HSPG2: variants seen among roughly 807,000 people sequenced by gnomAD.
HSPG2 encodes the protein heparan sulfate proteoglycan 2.
Under a neutral mutation model 526.6 loss-of-function variants are expected in HSPG2, and 278 were observed. The observed-to-expected ratio is 0.53, with a 90% confidence interval of 0.48 to 0.58. The LOEUF is 0.58. Among genes scored for constraint, HSPG2 ranks in the 20% least tolerant of loss-of-function variants. The pLI, the probability that HSPG2 is intolerant of heterozygous loss-of-function variation, is 0.00. For missense variants in HSPG2, 5,354 were observed against 6,099.5 expected (o/e 0.88, Z 4.07); for synonymous variants, 2,465 against 2,555.4 (o/e 0.96, Z 1.07).
chr1:21,874,171 T>A (rs1427911999), intron 28 of HSPG2, among the ~76,000 whole-genome samples, 160 bp from the exon 29 acceptor site: 2 of 152,200 alleles, frequency 1.3e-5, no homozygotes, highest in African/African-American at 4.8e-5. Flanking sequence ...GAGTTCCACA[T>A]GCATAGCCTC....
Position 21,854,743 on chromosome 1 carries a change from C to G in HSPG2, c.6156G>C (p.Pro2052=). Reference sequence around the variant, plus strand: ...AAGGCGATGAGGACTCAATCTTGACCGGCGGTGGGCTGGCATCTGAGGCTG... The same window carrying G: ...AAGGCGATGAGGACTCAATCTTGACGGGCGGTGGGCTGGCATCTGAGGCTG... The part of the protein sequence containing the change: ...VLSASDASPP[P]VKIESSSPSV... The change falls in exon 49 of 97, where the codon CCG becomes CCC. Residue 2052 remains proline, a synonymous_variant. Coordinates refer to ENST00000374695, the MANE Select transcript of HSPG2 (RefSeq NM_005529.7). 1 of 1,613,656 alleles carries G rather than the reference C, an allele frequency of 6.2e-7. No homozygotes were observed. Among genetic ancestry groups the G allele is most frequent in the Non-Finnish European group, 8.5e-7 (1 of 1,179,830 alleles).
chr1:21,879,986 A>T, intron 17 of HSPG2, 121 bp downstream of exon 17: 2 of 1,166,716 alleles, frequency 1.7e-6, no homozygotes, highest in Non-Finnish European at 1.3e-6. Flanking sequence ...AGGTCATGAT[A>T]GTTCATCTGG....
intron 65 of HSPG2, 35 bp from the exon 66 acceptor site, chr1:21,843,473 C>T (rs1308062914): frequency 8.2e-6 from 13 of 1,592,992 alleles, no homozygotes; most frequent in Non-Finnish European, 1.1e-5. Flanking sequence ...GGAGGGTGAG[C>T]TGGGAGCCTT....
intron 2 of HSPG2, 44 bp downstream of exon 2, chr1:21,896,131 T>C: frequency 6.2e-7 from 1 of 1,612,856 alleles, no homozygotes; most frequent in Non-Finnish European, 8.5e-7. Context: ...AAGCACAGTC[T>C]CACCCCCCAC....
In HSPG2 at chr1:21,835,436, A is replaced by G. The variant is rs112027944; in HGVS notation, c.10453+104T>C. ...ATGGAATAATTCTCTTTATTCTGAC[A>G]CATTTAGGGGGATTCCTAGGGAACA... On this transcript the variant is annotated intron_variant, in intron 76 of 96. Transcript: ENST00000374695. The G allele has an allele frequency of 3.8e-6, 3 of 782,468 alleles. No homozygotes were observed. The African/African-American group carries it at 5.1e-5, about 13-fold the overall frequency. 48.5% of individuals were successfully genotyped at this position (782,468 alleles called of 1,614,324 possible).
chr1:21,833,614 G>A lies in HSPG2; in HGVS notation c.10831C>T (p.Leu3611=), dbSNP rs745601293. The A allele has an allele frequency of 6.2e-7, 1 of 1,614,056 alleles. No individual in the cohort carries two copies. The highest frequency in any genetic ancestry group is 8.5e-7 in the Non-Finnish European group (1 of 1,179,992). Residue 3611 remains leucine, a splice_region_variant and synonymous_variant, in exon 79 of 97, where the codon CTG becomes TTG. Coordinates refer to ENST00000374695, the MANE Select transcript of HSPG2 (RefSeq NM_005529.7). ...CTGTCAGGTGGCAGGCTGCCATCCA[G>A]CTGCAAATGCACTAGCACTGAGGGC... ...YPTPDISWSK[L]DGSLPPDSRL...
chr1:21,868,550 T>C (rs914552732), intron 33 of HSPG2, among the ~76,000 whole-genome samples: 4 of 152,176 alleles, frequency 2.6e-5, no homozygotes, highest in African/African-American at 9.7e-5. Context: ...TTAATGCTTC[T>C]TGAATGACTG....
At chr1:21,829,698 T>A in intron 86 of HSPG2, 94 bp from the exon 87 acceptor site, 1 of 1,119,160 alleles carries the variant, frequency 8.9e-7, no homozygotes, top group Non-Finnish European at 1.3e-6. Context: ...CTTGCCTGCC[T>A]CACTCTCCAG....
At chr1:21,856,249 G>A (rs1639331720) in intron 44 of HSPG2, among the ~76,000 whole-genome samples, 1 of 152,158 alleles carries the variant, frequency 6.6e-6, no homozygotes, top group African/African-American at 2.4e-5. Flanking sequence ...ACGTGCTCCT[G>A]CCTCAGGGCC....
chr1:21,903,334 C>T (rs563994442), intron 1 of HSPG2, among the ~76,000 whole-genome samples: 3 of 152,358 alleles, frequency 2.0e-5, no homozygotes, highest in Admixed American at 2.0e-4. Context: ...GGCATGGTGG[C>T]TCACGCCTGT....
At chr1:21,907,453 G>A (rs1360864961) in intron 1 of HSPG2, among the ~76,000 whole-genome samples, 2 of 152,168 alleles carry the variant, frequency 1.3e-5, no homozygotes, top group Non-Finnish European at 2.9e-5. Context: ...AGCAGCCTCA[G>A]GGCCACTCTG....
chr1:21,833,983 G>A, intron 77 of HSPG2, 58 bp from the exon 78 acceptor site: 4 of 1,133,786 alleles, frequency 3.5e-6, no homozygotes, highest in Non-Finnish European at 5.2e-6. Context: ...TATGTGCCCA[G>A]CCTGCACCCT....
At chr1:21,823,863 C>T (rs531747563) in intron 95 of HSPG2, 144 bp from the exon 96 acceptor site, 20 of 772,286 alleles carry the variant, frequency 2.6e-5, no homozygotes, top group Middle Eastern at 3.5e-4. Flanking sequence ...CCCCGCTGAA[C>T]GAGAGATCGG....
At chr1:21,833,429 G>A in intron 79 of HSPG2, 38 bp downstream of exon 79, 1 of 1,613,762 alleles carries the variant, frequency 6.2e-7, no homozygotes, top group South Asian at 1.1e-5. Flanking sequence ...GTCAGGGAGT[G>A]GGCAGGGCAC....
intron 1 of HSPG2, among the ~76,000 whole-genome samples, chr1:21,927,059 C>T (rs995673624): frequency 1.4e-4 from 21 of 152,172 alleles, no homozygotes; most frequent in African/African-American, 4.8e-5. Flanking sequence ...GGCAGGGACC[C>T]GGAGGTGGGC....
At position 21,872,576 on chromosome 1, in the gene HSPG2, G is replaced by A. The variant is rs776000876; in HGVS notation, c.4029+44C>T. 3 of 1,558,752 alleles carry A rather than the reference G, an allele frequency of 1.9e-6. No individual in the cohort carries two copies. The South Asian group carries it at 3.5e-5, about 18-fold the overall frequency. Reference sequence around the variant, plus strand: ...GTGCTCAGATGGACAGTAACAGGCAGCAGGTGGCAACACCGCCTGGGGCTG... The same window carrying A: ...GTGCTCAGATGGACAGTAACAGGCAACAGGTGGCAACACCGCCTGGGGCTG... On this transcript the variant is annotated intron_variant, in intron 32 of 96. Coordinates refer to ENST00000374695, the MANE Select transcript of HSPG2 (RefSeq NM_005529.7). The surrounding 1 kb of genome is among the most constrained non-coding windows in gnomAD (Gnocchi z 5.5).
chr1:21,883,997 A>G (rs1200458306), intron 13 of HSPG2, among the ~76,000 whole-genome samples: 1 of 152,228 alleles, frequency 6.6e-6, no homozygotes, highest in Non-Finnish European at 1.5e-5. Context: ...GGCCAAGGAG[A>G]TGCCAAAGCC....
chr1:21,852,000 T>C (rs1191966114), intron 53 of HSPG2, 74 bp from the exon 54 acceptor site: 3 of 1,610,418 alleles, frequency 1.9e-6, no homozygotes, highest in African/African-American at 2.7e-5. Flanking sequence ...GTCCCCCCGA[T>C]CTAGGAAGTG....
At chr1:21,918,751 G>C (rs1189727117) in intron 1 of HSPG2, among the ~76,000 whole-genome samples, 1 of 152,218 alleles carries the variant, frequency 6.6e-6, no homozygotes, top group South Asian at 2.1e-4. Context: ...CAGTTGTGGA[G>C]CTTTATTTCT....
Sources: gnomAD v4.1 joint callset for allele counts (sites outside exome capture counted in the v4.1 genomes callset) on GRCh38, gnomAD v4.1.1 for gene constraint, Gnocchi (gnomAD v3.1) non-coding constraint, MANE v1.5 for transcripts, NCBI Gene and HGNC (gene_info 2026-07-23, HGNC 2026-07-21) for gene names.